PLCB1: variants seen among roughly 807,000 people sequenced by gnomAD.
The protein encoded by PLCB1 is 1-phosphatidylinositol 4,5-bisphosphate phosphodiesterase beta-1.
Under a neutral mutation model 161.8 loss-of-function variants are expected in PLCB1, and 46 were observed. The ratio of observed to expected loss-of-function variants is 0.28; its 90% CI spans 0.22 to 0.36. PLCB1 has a LOEUF of 0.36. Among genes scored for constraint, PLCB1 ranks in the 10% least tolerant of loss-of-function variants. PLCB1 has a pLI of 1.00. For missense variants in PLCB1, 1,016 were observed against 1,472.5 expected, an observed-to-expected ratio of 0.69 and a Z score of 5.07; for synonymous variants, 517 against 503.7, an observed-to-expected ratio of 1.03 and a Z score of -0.35.
chr20:8,836,612 G>A (rs1160611923), intron 31 of PLCB1, among the ~76,000 whole-genome samples: 1 of 150,742 alleles, frequency 6.6e-6, no homozygotes, highest in Admixed American at 6.7e-5. Context: ...AATAAAGAGG[G>A]CACTGATAGA....
At chr20:8,799,705 A>AT (rs1984195435) in intron 31 of PLCB1, among the ~76,000 whole-genome samples, 1 of 152,216 alleles carries the variant, frequency 6.6e-6, no homozygotes, top group Non-Finnish European at 1.5e-5. Flanking sequence ...AAATACTCTC[A>AT]TCCCTTGGTA....
At chr20:8,813,455 A>G (rs184271488) in intron 31 of PLCB1, among the ~76,000 whole-genome samples, 31 of 152,302 alleles carry the variant, frequency 2.0e-4, no homozygotes, top group Admixed American at 1.3e-3. Context: ...AAAGTAAACT[A>G]TTTCACCACA....
Position 8,604,063 on chromosome 20 carries a change from G to A in PLCB1, c.247-24231G>A, listed in dbSNP as rs144553194. Among the ~76,000 whole-genome samples the A allele has an allele frequency of 1.9e-3, 291 of 152,106 alleles. 1 individual carries two copies. The highest frequency in any genetic ancestry group is 6.7e-3 in the African/African-American group (278 of 41,506). On this transcript the variant is annotated intron_variant, in intron 3 of 31. Coordinates refer to ENST00000338037, the MANE Select transcript of PLCB1 (RefSeq NM_015192.4). The stretch of plus-strand genomic sequence containing the variant: ...AGGCCAGGAGTTTGAGATCAACCTG[G>A]CCAACATGGCGAAACTCTGTCTCTA...
In PLCB1 at chr20:8,741,661, T is replaced by C; in HGVS notation, c.2523+88T>C. On this transcript the variant is annotated intron_variant, in intron 23 of 31. Transcript: ENST00000338037. ...TTTGCCTAAGTAATATCACATACCT[T>C]GGGAGAAGGAATAGCACATTGGAAC... 6 of 768,912 alleles carry C rather than the reference T, an allele frequency of 7.8e-6. No homozygotes were observed. The South Asian group carries it at 8.9e-5, about 11-fold the overall frequency. The allele number at this position is 768,912 out of a possible 1,614,324, so 47.6% of individuals were successfully genotyped here.
chr20:8,884,436 A>T lies in PLCB1; in HGVS notation c.*2587A>T, dbSNP rs1165298239. 1 of 152,608 alleles carries T rather than the reference A, an allele frequency of 6.6e-6. No individual in the cohort carries two copies. 9.5% of individuals were successfully genotyped at this position (152,608 alleles called of 1,614,324 possible). A position where few individuals can be genotyped will look rare whatever the true frequency, so the allele number is the denominator to read the frequency against. ...TGTGTCTCTCTGATACCTTTACACT[A>T]CTGAGAATAGCATGGTTTTGGCCAT... On this transcript the variant is annotated 3_prime_UTR_variant, in exon 32 of 32. Transcript: ENST00000338037.
chr20:8,142,904 C>T (rs1380627109), intron 1 of PLCB1, among the ~76,000 whole-genome samples: 1 of 152,172 alleles, frequency 6.6e-6, no homozygotes, highest in Admixed American at 6.5e-5. Flanking sequence ...ACTTGGGCCA[C>T]CTCCATTATT....
At chr20:8,399,931 A>G (rs1028621824) in intron 3 of PLCB1, among the ~76,000 whole-genome samples, 6 of 152,174 alleles carry the variant, frequency 3.9e-5, no homozygotes, top group East Asian at 1.9e-4. Flanking sequence ...TGTTTGTTCT[A>G]TAATTTCTGA....
intron 23 of PLCB1, chr20:8,752,300 C>T (rs1244513353): frequency 6.6e-6 from 1 of 152,190 alleles, no homozygotes; most frequent in African/African-American, 2.4e-5. Flanking sequence ...TGACCTCTGG[C>T]AAGTTACATG....
At chr20:8,625,498 T>C (rs1252774642) in intron 3 of PLCB1, among the ~76,000 whole-genome samples, 1 of 152,196 alleles carries the variant, frequency 6.6e-6, no homozygotes, top group Non-Finnish European at 1.5e-5. Flanking sequence ...GATACAGTTT[T>C]AAAGATAAAA....
At chr20:8,740,112 T>C (rs911106293) in intron 21 of PLCB1, among the ~76,000 whole-genome samples, 2 of 152,252 alleles carry the variant, frequency 1.3e-5, no homozygotes, top group African/African-American at 2.4e-5. Flanking sequence ...TTTGGAATTA[T>C]CTTTTGTGGG....
intron 3 of PLCB1, among the ~76,000 whole-genome samples, chr20:8,621,149 G>T (rs1988172697): frequency 6.6e-6 from 1 of 152,134 alleles, no homozygotes; most frequent in South Asian, 2.1e-4. Context: ...GAAAGTTGAG[G>T]GGAATATAAT....
intron 1 of PLCB1, among the ~76,000 whole-genome samples, chr20:8,140,671 C>T (rs890037421): frequency 2.0e-5 from 3 of 152,198 alleles, no homozygotes; most frequent in Non-Finnish European, 4.4e-5. Flanking sequence ...GGGCACATAA[C>T]TAAGTAGATC....
At chr20:8,320,830 AGAGGGAGG>A (rs145879094) in intron 2 of PLCB1, among the ~76,000 whole-genome samples, 69 of 131,418 alleles carry the variant, frequency 5.3e-4, no homozygotes, top group African/African-American at 1.8e-3. Context: ...AGGGAGGGAG[AGAGGGAGG>A]GAGGGAGGGA....
At chr20:8,600,358 CGTGTGAGGTGTCA>C (rs1282754339) in intron 3 of PLCB1, among the ~76,000 whole-genome samples, 1 of 104,322 alleles carries the variant, frequency 9.6e-6, no homozygotes, top group Non-Finnish European at 2.0e-5. Context: ...AATACCCTGC[CGTGTGAGGTGTCA>C]GTGTGCCCCT....
intron 2 of PLCB1, among the ~76,000 whole-genome samples, chr20:8,212,319 A>G (rs1356349927): frequency 6.6e-6 from 1 of 152,128 alleles, no homozygotes; most frequent in Non-Finnish European, 1.5e-5. Context: ...CAGCATTTGA[A>G]TTTTTAGCTC....
chr20:8,405,173 TCTGTGGTCAG>T (rs1264901349), intron 3 of PLCB1, among the ~76,000 whole-genome samples: 2 of 152,202 alleles, frequency 1.3e-5, no homozygotes, highest in African/African-American at 2.4e-5. Flanking sequence ...CATGTATGTG[TCTGTGGTCAG>T]CTGTGGGTTG....
chr20:8,151,102 T>G (rs2051503725), intron 2 of PLCB1, among the ~76,000 whole-genome samples: 1 of 152,182 alleles, frequency 6.6e-6, no homozygotes, highest in Non-Finnish European at 1.5e-5. Flanking sequence ...GTCCTACACT[T>G]GAACCTCAGA....
At chr20:8,616,790 T>G (rs1042802137) in intron 3 of PLCB1, among the ~76,000 whole-genome samples, 2 of 152,230 alleles carry the variant, frequency 1.3e-5, no homozygotes, top group Admixed American at 1.3e-4. Context: ...GAAAGCTGCA[T>G]AAGTCATCAA....
chr20:8,696,441 T>G (rs908225586), intron 10 of PLCB1, among the ~76,000 whole-genome samples: 1 of 152,210 alleles, frequency 6.6e-6, no homozygotes, highest in Non-Finnish European at 1.5e-5. Flanking sequence ...TTCCTCCATC[T>G]TTGTTCTTAT....
Sources: gnomAD v4.1 joint callset for allele counts (sites outside exome capture counted in the v4.1 genomes callset) on GRCh38, gnomAD v4.1.1 for gene constraint, MANE v1.5 for transcripts, NCBI Gene and HGNC (gene_info 2026-07-23, HGNC 2026-07-21) for gene names.